The following MAP2K5 variants were observed in gnomAD, a reference collection of about 807,000 sequenced individuals.
MAP2K5 encodes the protein mitogen-activated protein kinase kinase 5.
A neutral mutation model predicts 83.1 loss-of-function variants in MAP2K5; 49 were observed. That is an observed-to-expected ratio of 0.59 (90% CI 0.47 to 0.75). The LOEUF is 0.75. Ranked by LOEUF, MAP2K5 falls within the 30% of genes least tolerant of loss-of-function variation. The pLI, the probability that MAP2K5 is intolerant of heterozygous loss-of-function variation, is 0.00. For synonymous variants in MAP2K5, 202 were observed against 191.8 expected (o/e 1.05, Z -0.44); for missense variants, 457 against 557.5 (o/e 0.82, Z 1.82).
intron 3 of MAP2K5, among the ~76,000 whole-genome samples, chr15:67,569,005 C>CAAAAAAAAAAAAAAAAAAAA (rs71142380): frequency 1.1e-5 from 1 of 91,206 alleles, no homozygotes; most frequent in Non-Finnish European, 2.2e-5. Flanking sequence ...GACTCCATCT[C>CAAAAAAAAAAAAAAAAAAAA]AAAAAAAAAA....
chr15:67,752,141 C>T lies in MAP2K5; in HGVS notation c.1134+3540C>T, dbSNP rs149267707. On this transcript the variant is annotated intron_variant, in intron 19 of 21. Coordinates refer to ENST00000178640, the MANE Select transcript of MAP2K5 (RefSeq NM_145160.3). ...AGTGGAGTGGCACAACCTCCGCTCA[C>T]GGCAACCTCTGCCTTCTGGGTTCAA... is the stretch of plus-strand genomic sequence containing the variant. Among the ~76,000 whole-genome samples, 585 of 152,172 alleles carry T rather than the reference C, an allele frequency of 3.8e-3. 4 individuals are homozygous for T. Among genetic ancestry groups the T allele is most frequent in the African/African-American group, 0.014 (561 of 41,542 alleles).
chr15:67,803,614 C>T (rs1251829233), intron 21 of MAP2K5, among the ~76,000 whole-genome samples: 1 of 152,138 alleles, frequency 6.6e-6, no homozygotes, highest in Non-Finnish European at 1.5e-5. Flanking sequence ...GCCTCAGTGT[C>T]CTCTCCTCTA....
chr15:67,642,568 G>T lies in MAP2K5; in HGVS notation c.586-3663G>T, dbSNP rs1001494122. ...GATAGAACAGGTTTTTTCAATCAGT[G>T]CCTGGAGAAGAGAGAGGAAGCACAC... is the stretch of plus-strand genomic sequence containing the variant. On this transcript the variant is annotated intron_variant, in intron 9 of 21. Coordinates refer to ENST00000178640, the MANE Select transcript of MAP2K5 (RefSeq NM_145160.3). The T allele has an allele frequency of 3.4e-6, 3 of 879,830 alleles. No homozygotes were observed. In the African/African-American group the frequency reaches 4.9e-5, roughly 14 times the overall value. The allele number at this position is 879,830 out of a possible 1,614,324, so 54.5% of individuals were successfully genotyped here. A position where few individuals can be genotyped will look rare whatever the true frequency, so the allele number is the denominator to read the frequency against.
chr15:67,561,589 C>A lies in MAP2K5; in HGVS notation c.185-1694C>A, dbSNP rs1313170927. On this transcript the variant is annotated intron_variant, in intron 2 of 21. Transcript: ENST00000178640. The surrounding 1 kb of genome is among the most constrained non-coding windows in gnomAD (Gnocchi z 4.2). ...GTGATCTTGATGATACCGATTCACACTGAGTTGGGGAACTCTGCAGCAGTG... is the reference window on the plus strand; with the variant it reads ...GTGATCTTGATGATACCGATTCACAATGAGTTGGGGAACTCTGCAGCAGTG... Among the ~76,000 whole-genome samples, 2 of 152,204 alleles carry A rather than the reference C, an allele frequency of 1.3e-5. No homozygotes were observed. The highest frequency in any genetic ancestry group is 2.9e-5 in the Non-Finnish European group (2 of 68,042).
intron 17 of MAP2K5, among the ~76,000 whole-genome samples, chr15:67,740,643 A>G (rs931032309): frequency 2.0e-5 from 3 of 152,162 alleles, no homozygotes; most frequent in Non-Finnish European, 4.4e-5. Flanking sequence ...TTTTCAGTAT[A>G]TAAAAAAGAT....
intron 11 of MAP2K5, among the ~76,000 whole-genome samples, chr15:67,655,045 A>G (rs375029691): frequency 5.5e-4 from 83 of 151,340 alleles, no homozygotes; most frequent in African/African-American, 2.0e-3. Context: ...AGACTGGGTG[A>G]CAGAGTGAGA....
At chr15:67,658,097 T>C (rs1465378054) in intron 11 of MAP2K5, among the ~76,000 whole-genome samples, 1 of 152,116 alleles carries the variant, frequency 6.6e-6, no homozygotes, top group Non-Finnish European at 1.5e-5. Context: ...CTCATAATCA[T>C]ATCATTAATG....
At chr15:67,679,848 C>T (rs997255746) in intron 13 of MAP2K5, 1 of 151,980 alleles carries the variant, frequency 6.6e-6, no homozygotes, top group Non-Finnish European at 1.5e-5. Flanking sequence ...ATTTGCATGC[C>T]ATAAAATTCA....
At chr15:67,597,807 C>T (rs567113462) in intron 7 of MAP2K5, among the ~76,000 whole-genome samples, 1 of 152,164 alleles carries the variant, frequency 6.6e-6, no homozygotes, top group Admixed American at 6.5e-5. Context: ...TTGTTTTTCC[C>T]ATCCCCCCCA....
chr15:67,670,507 A>C, intron 13 of MAP2K5: 1 of 454,130 alleles, frequency 2.2e-6, no homozygotes, highest in Non-Finnish European at 4.4e-6. Flanking sequence ...AAAATTAAAA[A>C]GTAAACCAGA....
At chr15:67,694,586 G>C (rs1002956892) in intron 15 of MAP2K5, among the ~76,000 whole-genome samples, 9 of 151,998 alleles carry the variant, frequency 5.9e-5, no homozygotes, top group Non-Finnish European at 1.2e-4. Context: ...TTAGAATGGC[G>C]ATCATTAAAA....
intron 2 of MAP2K5, among the ~76,000 whole-genome samples, chr15:67,553,919 CAAAAAAAAAAAAA>C (rs71142378): frequency 3.7e-5 from 3 of 80,102 alleles, no homozygotes; most frequent in African/African-American, 1.5e-4. Context: ...GACTCCATCT[CAAAAAAAAAAAAA>C]AAAAAAAAAA....
chr15:67,728,745 A>G (rs2089158472), intron 17 of MAP2K5, among the ~76,000 whole-genome samples: 1 of 152,190 alleles, frequency 6.6e-6, no homozygotes, highest in African/African-American at 2.4e-5. Context: ...TTAAGCATCT[A>G]TTAACTTGCT....
intron 3 of MAP2K5, among the ~76,000 whole-genome samples, chr15:67,574,799 G>T (rs141477506): frequency 6.6e-6 from 1 of 151,862 alleles, no homozygotes; most frequent in Non-Finnish European, 1.5e-5. Context: ...CCTGGGAGGC[G>T]GATGTTGCAC....
chr15:67,700,233 T>C (rs1258557696), intron 15 of MAP2K5, among the ~76,000 whole-genome samples: 1 of 152,192 alleles, frequency 6.6e-6, no homozygotes, highest in South Asian at 2.1e-4. Context: ...GGGAGTATAG[T>C]GTGGGTGCCA....
rs1022714902 is a variant in MAP2K5, at chr15:67,543,896, A to G, written c.135+426A>G. ...GGAAAAAGGACAACTTTAACTTACC[A>G]TGTTTGAGCACACTGTTTCATTAAT... On this transcript the variant is annotated intron_variant, in intron 1 of 21. Coordinates refer to ENST00000178640, the MANE Select transcript of MAP2K5 (RefSeq NM_145160.3). This position sits in a 1 kb window ranked among gnomAD's most constrained non-coding sequence, Gnocchi z 4.3. 6.6e-6 allele frequency among the ~76,000 whole-genome samples: 1 copy of G among 152,142 alleles called. No individual in the cohort carries two copies. The highest frequency in any genetic ancestry group is 1.5e-5 in the Non-Finnish European group (1 of 68,026).
chr15:67,562,288 A>C lies in MAP2K5; in HGVS notation c.185-995A>C, dbSNP rs372621062. 6.6e-6 allele frequency among the ~76,000 whole-genome samples: 1 copy of C among 152,248 alleles called. No individual in the cohort carries two copies. Among genetic ancestry groups the C allele is most frequent in the Non-Finnish European group, 1.5e-5 (1 of 68,040 alleles). On this transcript the variant is annotated intron_variant, in intron 2 of 21. Coordinates refer to ENST00000178640, the MANE Select transcript of MAP2K5 (RefSeq NM_145160.3). The surrounding 1 kb of genome is among the most constrained non-coding windows in gnomAD (Gnocchi z 4.1). ...GTTAACTATATATTTGGAAATAGCC[A>C]TAAGTCATTCTTAGACATGCTTGGC...
chr15:67,628,049 A>C, intron 8 of MAP2K5: 2 of 727,710 alleles, frequency 2.7e-6, no homozygotes, highest in South Asian at 1.3e-5. Flanking sequence ...CTGTGGAGGC[A>C]GTGGATGCAG....
chr15:67,761,923 A>G lies in MAP2K5; in HGVS notation c.1135-7679A>G, dbSNP rs1357471639. 4.6e-5 allele frequency among the ~76,000 whole-genome samples: 7 copies of G among 152,226 alleles called. No homozygotes were observed. The East Asian group carries it at 9.6e-4, about 21-fold the overall frequency. On this transcript the variant is annotated intron_variant, in intron 19 of 21. Transcript: ENST00000178640. ...TTATAATTTAGGTACTGGATCAAACATGTATAGCTGGACTTTTCCTGAGGA... is the reference window on the plus strand; with the variant it reads ...TTATAATTTAGGTACTGGATCAAACGTGTATAGCTGGACTTTTCCTGAGGA...
Sources: allele counts gnomAD v4.1 joint callset (sites outside exome capture counted in the v4.1 genomes callset), GRCh38; gene constraint gnomAD v4.1.1; non-coding constraint Gnocchi (gnomAD v3.1); transcripts MANE v1.5; gene names NCBI Gene and HGNC (gene_info 2026-07-23, HGNC 2026-07-21).